ZNF251: variants seen among roughly 807,000 people sequenced by gnomAD.
ZNF251 encodes the protein zinc finger protein 251.
Under a neutral mutation model 13.5 loss-of-function variants are expected in ZNF251, and 14 were observed. That is an observed-to-expected ratio of 1.04 (90% CI 0.69 to 1.63). The LOEUF (loss-of-function observed/expected upper bound fraction) is 1.63, where lower values mean the gene tolerates loss of function less well. Among genes scored for constraint, ZNF251 ranks in the 40% most tolerant of loss-of-function variants. The pLI is 0.00. For missense variants in ZNF251, 764 were observed against 834.9 expected, an observed-to-expected ratio of 0.92 and a Z score of 1.05; for synonymous variants, 287 against 295.2, an observed-to-expected ratio of 0.97 and a Z score of 0.28.
At chr8:144,732,668 T>G (rs367765073) in intron 4 of ZNF251, among the ~76,000 whole-genome samples, 29 of 151,716 alleles carry the variant, frequency 1.9e-4, no homozygotes, top group Admixed American at 1.1e-3. Context: ...AAAAATTAGC[T>G]GGGTGTGGTG....
In ZNF251 at chr8:144,732,127, A is replaced by G. The variant is rs1823716011; in HGVS notation, c.278-8745T>C. On this transcript the variant is annotated intron_variant, in intron 4 of 4. Transcript: ENST00000292562. ...CTGGCTAATTTTTTTATTTTTTTGT[A>G]AAGACGGAGTTTACCATGTTGGCCA... 3.3e-5 allele frequency among the ~76,000 whole-genome samples: 5 copies of G among 150,646 alleles called. 1 individual carries two copies. In the South Asian group the frequency reaches 1.1e-3, roughly 32 times the overall value.
At chr8:144,735,254 G>C (rs565110929) in intron 4 of ZNF251, among the ~76,000 whole-genome samples, 2 of 151,262 alleles carry the variant, frequency 1.3e-5, no homozygotes, top group Non-Finnish European at 2.9e-5. Flanking sequence ...GCCAGTAGTG[G>C]AGTGCACCTG....
At position 144,722,003 on chromosome 8, in the gene ZNF251, G is replaced by A; in HGVS notation, c.1657C>T (p.Leu553Phe). Residue 553 changes from leucine to phenylalanine, a missense_variant, in exon 5 of 5, where the codon CTC becomes TTC. By Grantham distance (22) the Leu-to-Phe change is conservative. Coordinates refer to ENST00000292562, the MANE Select transcript of ZNF251 (RefSeq NM_138367.2). This position sits in a 1 kb window ranked among gnomAD's most constrained non-coding sequence, Gnocchi z 4.8. ...HGRAFNHGAN[L>F]ILRWTVHTGE... ...GTGTGAACTGTCCAGCGCAGAATGA[G>A]ATTTGCACCATGGTTAAAGGCTCTG... is the stretch of plus-strand genomic sequence containing the variant. 6.3e-7 allele frequency: 1 copy of A among 1,593,480 alleles called. No homozygotes were observed. The highest frequency in any genetic ancestry group is 8.5e-7 in the Non-Finnish European group (1 of 1,169,734).
At chr8:144,728,258 A>T (rs1259994375) in intron 4 of ZNF251, among the ~76,000 whole-genome samples, 1 of 151,954 alleles carries the variant, frequency 6.6e-6, no homozygotes, top group Non-Finnish European at 1.5e-5. Context: ...GACAGCCAAC[A>T]CTCATCGATT....
chr8:144,729,947 A>G (rs1479502699), intron 4 of ZNF251: 2 of 640,994 alleles, frequency 3.1e-6, no homozygotes, highest in Admixed American at 6.3e-5. Flanking sequence ...AAGATGTTCA[A>G]TTGTAACAGT....
At chr8:144,727,707 G>A (rs1478246158) in intron 4 of ZNF251, among the ~76,000 whole-genome samples, 1 of 152,200 alleles carries the variant, frequency 6.6e-6, no homozygotes, top group East Asian at 1.9e-4. Context: ...ACAGTTTGAG[G>A]GGGACTGAAA....
At chr8:144,755,328 G>A (rs1563774958) in intron 1 of ZNF251, 77 bp downstream of exon 1, 4 of 1,280,432 alleles carry the variant, frequency 3.1e-6, no homozygotes, top group East Asian at 5.8e-5. Context: ...ACTGGCCGCC[G>A]CCTCCCCGCG....
At chr8:144,740,929 G>C (rs1457410983) in intron 4 of ZNF251, among the ~76,000 whole-genome samples, 1 of 150,606 alleles carries the variant, frequency 6.6e-6, no homozygotes, top group Non-Finnish European at 1.5e-5. Flanking sequence ...GCGAAACTCC[G>C]TCTCAAAAAA....
chr8:144,738,708 T>C (rs779363425), intron 4 of ZNF251: 14 of 985,256 alleles, frequency 1.4e-5, no homozygotes, highest in Non-Finnish European at 1.7e-5. Flanking sequence ...TGGGGGCACC[T>C]GTTTGTGGAA....
Position 144,722,059 on chromosome 8 carries a change from T to A in ZNF251, c.1601A>T (p.Asp534Val). The change falls in exon 5 of 5, where the codon GAT (aspartate) becomes GTT (valine). Residue 534 changes from aspartate (D) to valine (V), a missense_variant. Physicochemically the swap from Asp to Val is radical, Grantham distance 152. Transcript: ENST00000292562. The surrounding 1 kb of genome is among the most constrained non-coding windows in gnomAD (Gnocchi z 4.8). ...AFVHGSSLTA[D>V]GQIPTGEKHG... ...CTTCTCTCCAGTGGGAATCTGTCCA[T>A]CTGCTGTGAGGCTGGAGCCATGAAC... 6.2e-7 allele frequency: 1 copy of A among 1,613,784 alleles called. No individual in the cohort carries two copies. Among genetic ancestry groups the A allele is most frequent in the Non-Finnish European group, 8.5e-7 (1 of 1,179,798 alleles).
intron 4 of ZNF251, among the ~76,000 whole-genome samples, chr8:144,729,315 C>T (rs535595336): frequency 6.7e-6 from 1 of 148,532 alleles, no homozygotes; most frequent in Admixed American, 6.8e-5. Context: ...ATATAAGATT[C>T]CTTTTATTTA....
chr8:144,731,418 G>C (rs1320438739), intron 4 of ZNF251, among the ~76,000 whole-genome samples: 3 of 152,164 alleles, frequency 2.0e-5, no homozygotes, highest in Admixed American at 6.6e-5. Flanking sequence ...TTACACAAGT[G>C]TGTCTATTTG....
At chr8:144,724,347 T>C (rs1377756129) in intron 4 of ZNF251, among the ~76,000 whole-genome samples, 4 of 151,968 alleles carry the variant, frequency 2.6e-5, no homozygotes, top group Non-Finnish European at 4.4e-5. Context: ...TGACCTTTTT[T>C]TGAGATAGTG....
intron 4 of ZNF251, among the ~76,000 whole-genome samples, chr8:144,742,574 T>C (rs1319401730): frequency 6.6e-6 from 1 of 151,712 alleles, no homozygotes; most frequent in Non-Finnish European, 1.5e-5. Context: ...AATCTCAGTT[T>C]AGGGCTCACT....
In ZNF251 at chr8:144,734,610, A is replaced by G. The variant is rs1361778917; in HGVS notation, c.278-11228T>C. The stretch of plus-strand genomic sequence containing the variant: ...ACCCTGGGTCAGTGACCTCCCACAG[A>G]GGTCACTGGGACACCCTGAAGAGGG... On this transcript the variant is annotated intron_variant, in intron 4 of 4. Transcript: ENST00000292562. This position sits in a 1 kb window ranked among gnomAD's most constrained non-coding sequence, Gnocchi z 4.4. Among the ~76,000 whole-genome samples, 1 of 152,184 alleles carries G rather than the reference A, an allele frequency of 6.6e-6. No individual in the cohort carries two copies. The highest frequency in any genetic ancestry group is 1.5e-5 in the Non-Finnish European group (1 of 68,018).
chr8:144,722,306 G>A lies in ZNF251; in HGVS notation c.1354C>T (p.Arg452Ter), dbSNP rs377393106. Residue 452 changes from arginine to a stop codon, truncating the protein, a stop_gained, in exon 5 of 5, where the codon CGA becomes TGA. Transcript: ENST00000292562. LOFTEE classifies it low-confidence loss of function (END_TRUNC). This position sits in a 1 kb window ranked among gnomAD's most constrained non-coding sequence, Gnocchi z 4.8. ...GGCTTCTCCCCAGTGTGAACTCTTC[G>A]ATGCTGAACAAGAGTGGAACTCCGA... The part of the protein sequence containing the change: ...FRRSSTLVQH[R>*]RVHTGEKPYQ... The A allele has an allele frequency of 8.1e-6, 13 of 1,613,796 alleles. No homozygotes were observed. The East Asian group carries it at 1.6e-4, about 19-fold the overall frequency.
At chr8:144,742,699 CTGA>C (rs1247059918) in intron 4 of ZNF251, among the ~76,000 whole-genome samples, 1 of 152,188 alleles carries the variant, frequency 6.6e-6, no homozygotes, top group Non-Finnish European at 1.5e-5. Flanking sequence ...CTTGGCACTG[CTGA>C]TCTTTTTGCT....
rs1824874364 is a variant in ZNF251, at chr8:144,754,706, G to T, written c.23C>A (p.Pro8Gln). The change falls in exon 2 of 5, where the codon CCA (proline) becomes CAA (glutamine). Residue 8 changes from proline (P) to glutamine (Q), a missense_variant. Pro to Gln is a moderately conservative substitution (Grantham distance 76). Coordinates refer to ENST00000292562, the MANE Select transcript of ZNF251 (RefSeq NM_138367.2). ...GGAGGGTTAACTCACCTGGTGCCCTGGAAGCTGGAATGTGGCTGCCATTCT... is the reference window on the plus strand; with the variant it reads ...GGAGGGTTAACTCACCTGGTGCCCTTGAAGCTGGAATGTGGCTGCCATTCT... MAATFQL[P>Q]GHQEMPLTFQ... The T allele has an allele frequency of 6.2e-7, 1 of 1,611,332 alleles. No individual in the cohort carries two copies. Among genetic ancestry groups the T allele is most frequent in the Admixed American group, 1.7e-5 (1 of 59,510 alleles).
At chr8:144,733,992 T>C (rs548770517) in intron 4 of ZNF251, among the ~76,000 whole-genome samples, 1 of 152,310 alleles carries the variant, frequency 6.6e-6, no homozygotes, top group Non-Finnish European at 1.5e-5. Context: ...GCTAGGTCTG[T>C]TCCGCAGCCG....
Sources: gnomAD v4.1 joint callset for allele counts (sites outside exome capture counted in the v4.1 genomes callset) on GRCh38, gnomAD v4.1.1 for gene constraint, Gnocchi (gnomAD v3.1) non-coding constraint, MANE v1.5 for transcripts, NCBI Gene and HGNC (gene_info 2026-07-23, HGNC 2026-07-21) for gene names.